The following ADAMTS16 variants were observed in gnomAD, a reference collection of about 807,000 sequenced individuals.
ADAMTS16 encodes A disintegrin and metalloproteinase with thrombospondin motifs 16.
Under a neutral mutation model 145.8 loss-of-function variants are expected in ADAMTS16, and 94 were observed. The observed-to-expected ratio is 0.64, with a 90% CI of 0.55 to 0.77. ADAMTS16 has a LOEUF of 0.77. ADAMTS16 is among the 30% of genes least tolerant of loss of function. The probability of loss-of-function intolerance (pLI) is 0.00; values close to 1 mark genes in which losing one functional copy is unlikely to be tolerated. For synonymous variants in ADAMTS16, 659 were observed against 604.3 expected (o/e 1.09, Z -1.33); for missense variants, 1,585 against 1,591.5 (o/e 1.00, Z 0.07).
chr5:5,144,779 GTC>G (rs1734250697), intron 2 of ADAMTS16, among the ~76,000 whole-genome samples: 2 of 152,210 alleles, frequency 1.3e-5, no homozygotes, highest in African/African-American at 4.8e-5. Context: ...CCACCCTTCT[GTC>G]TCTGTTTTCT....
At chr5:5,204,615 A>G (rs554911961) in intron 9 of ADAMTS16, among the ~76,000 whole-genome samples, 17 of 152,344 alleles carry the variant, frequency 1.1e-4, no homozygotes, top group South Asian at 4.1e-4. Flanking sequence ...GCATTAGTCT[A>G]CTTAGTTATG....
intron 3 of ADAMTS16, among the ~76,000 whole-genome samples, chr5:5,158,250 T>A (rs999480750): frequency 2.0e-5 from 3 of 152,162 alleles, no homozygotes; most frequent in African/African-American, 7.2e-5. Flanking sequence ...GGCAGCACCA[T>A]GATTGTTACG....
intron 10 of ADAMTS16, among the ~76,000 whole-genome samples, chr5:5,217,508 A>C (rs187105831): frequency 6.6e-6 from 1 of 152,144 alleles, no homozygotes; most frequent in African/African-American, 2.4e-5. Context: ...TGAGTCTGTA[A>C]TCCGACTCAA....
At chr5:5,217,293 A>G (rs1736464652) in intron 10 of ADAMTS16, among the ~76,000 whole-genome samples, 2 of 152,034 alleles carry the variant, frequency 1.3e-5, no homozygotes, top group Admixed American at 1.3e-4. Flanking sequence ...AGGCATGGGC[A>G]AGGACTTCAT....
intron 10 of ADAMTS16, among the ~76,000 whole-genome samples, chr5:5,216,510 C>T (rs923961197): frequency 2.0e-5 from 3 of 151,892 alleles, no homozygotes; most frequent in Admixed American, 6.6e-5. Flanking sequence ...TCTTTTGCCA[C>T]GTGAAAGCTC....
At chr5:5,143,286 AAAAC>A (rs1211010234) in intron 2 of ADAMTS16, among the ~76,000 whole-genome samples, 2 of 152,234 alleles carry the variant, frequency 1.3e-5, no homozygotes, top group Non-Finnish European at 2.9e-5. Flanking sequence ...TTAGAAGAAA[AAAAC>A]AAACAACCCC....
intron 21 of ADAMTS16, among the ~76,000 whole-genome samples, chr5:5,308,342 T>C (rs1284305691): frequency 6.6e-6 from 1 of 152,226 alleles, no homozygotes. Flanking sequence ...GCCTTCCCTC[T>C]CTGCCCACCT....
rs1738370066 is a variant in ADAMTS16, at chr5:5,269,135, T to TA, written c.2789+6352_2789+6353insA. Among the ~76,000 whole-genome samples, 1 of 152,082 alleles carries TA rather than the reference T, an allele frequency of 6.6e-6. No individual in the cohort carries two copies. The highest frequency in any genetic ancestry group is 1.5e-5 in the Non-Finnish European group (1 of 68,000). On this transcript the variant is annotated intron_variant, in intron 18 of 22. Coordinates refer to ENST00000274181, the MANE Select transcript of ADAMTS16 (RefSeq NM_139056.4). The surrounding 1 kb of genome is among the most constrained non-coding windows in gnomAD (Gnocchi z 4.3). The stretch of plus-strand genomic sequence containing the variant: ...TATGCTTCAAGATCCACACTGAAGT[T>TA]GTCCTTCTGTCTCACTGCATGGCTG...
rs767343409 is a variant in ADAMTS16 at position 5,242,066 on chromosome 5, G to C, written c.2537G>C (p.Gly846Ala). Residue 846 changes from glycine (G) to alanine (A), a missense_variant, in exon 17 of 23, where the codon GGA becomes GCA. Gly to Ala is a moderately conservative substitution (Grantham distance 60). Coordinates refer to ENST00000274181, the MANE Select transcript of ADAMTS16 (RefSeq NM_139056.4). ...ETLIVELLFQ[G>A]RNPGVAWEYS... is the part of the protein sequence containing the mutation. ...CTTATTTTGTAGCTGCTGTTTCAGGGAAGGAACCCGGGTGTTGCCTGGGAA... is the reference window on the plus strand; with the variant it reads ...CTTATTTTGTAGCTGCTGTTTCAGGCAAGGAACCCGGGTGTTGCCTGGGAA... The C allele has an allele frequency of 3.1e-6, 5 of 1,613,880 alleles. No homozygotes were observed. In the African/African-American group the frequency reaches 6.7e-5, roughly 22 times the overall value.
At chr5:5,178,280 G>C (rs537704117) in intron 3 of ADAMTS16, among the ~76,000 whole-genome samples, 1 of 152,220 alleles carries the variant, frequency 6.6e-6, no homozygotes, top group Admixed American at 6.5e-5. Context: ...CTGTGAGAGC[G>C]AAGCCTGTCC....
chr5:5,292,065 G>A lies in ADAMTS16; in HGVS notation c.2790-11203G>A, dbSNP rs374609189. On this transcript the variant is annotated intron_variant, in intron 18 of 22. Transcript: ENST00000274181. ...GACAGACAGAATGGCCCTCTCTAAT[G>A]GAAATGAGGCTCTGGTCATAGTCAA... is the stretch of plus-strand genomic sequence containing the variant. Among the ~76,000 whole-genome samples, 9 of 152,128 alleles carry A rather than the reference G, an allele frequency of 5.9e-5. No individual in the cohort carries two copies. The East Asian group carries it at 1.2e-3, about 20-fold the overall frequency.
chr5:5,175,344 G>T lies in ADAMTS16; in HGVS notation c.502-6700G>T, dbSNP rs577363326. On this transcript the variant is annotated intron_variant, in intron 3 of 22. Coordinates refer to ENST00000274181, the MANE Select transcript of ADAMTS16 (RefSeq NM_139056.4). ...AATGGGGGCCTCAGAATTCTACCTG[G>T]TGCCCTATCTTACTGGGGCAGAGCT... Among the ~76,000 whole-genome samples, 99 of 152,248 alleles carry T rather than the reference G, an allele frequency of 6.5e-4. 1 individual carries two copies. The highest frequency in any genetic ancestry group is 2.3e-3 in the African/African-American group (94 of 41,558).
rs1253253817 is a variant in ADAMTS16, at chr5:5,182,154, G to A, written c.612G>A (p.Leu204=). 1.9e-6 allele frequency: 3 copies of A among 1,614,116 alleles called. No homozygotes were observed. Among genetic ancestry groups the A allele is most frequent in the Non-Finnish European group, 2.5e-6 (3 of 1,180,026 alleles). Residue 204 remains leucine (L), a synonymous_variant, in exon 4 of 23, where the codon CTG becomes CTA. Transcript: ENST00000274181. ...AAGGCAGCTCGCCATCCCACGTACT[G>A]TACAAGAGATCCACAGAGCCCCATG... is the stretch of plus-strand genomic sequence containing the variant. ...AAQGSSPSHV[L]YKRSTEPHAP...
intron 17 of ADAMTS16, among the ~76,000 whole-genome samples, chr5:5,256,144 T>C (rs1737773201): frequency 6.6e-6 from 1 of 152,234 alleles, no homozygotes. Flanking sequence ...GTGCTTTTCA[T>C]CCATCAGCAT....
chr5:5,242,283 A>G, intron 17 of ADAMTS16, 92 bp downstream of exon 17: 1 of 1,486,454 alleles, frequency 6.7e-7, no homozygotes, highest in Non-Finnish European at 9.0e-7. Context: ...CCTAATGAGC[A>G]GCCCGGGGCT....
At chr5:5,186,883 AT>A (rs1361302013) in intron 5 of ADAMTS16, among the ~76,000 whole-genome samples, 1 of 152,214 alleles carries the variant, frequency 6.6e-6, no homozygotes, top group African/African-American at 2.4e-5. Flanking sequence ...TTTAATGACA[AT>A]ATTTTAAAAG....
chr5:5,244,145 C>T (rs944185282), intron 17 of ADAMTS16, among the ~76,000 whole-genome samples: 5 of 152,150 alleles, frequency 3.3e-5, no homozygotes, highest in Non-Finnish European at 5.9e-5. Context: ...AGACTCAGAA[C>T]CTAATCAAGG....
intron 21 of ADAMTS16, among the ~76,000 whole-genome samples, chr5:5,313,263 T>C (rs1267963844): frequency 6.6e-6 from 1 of 152,142 alleles, no homozygotes; most frequent in African/African-American, 2.4e-5. Flanking sequence ...CTGTGGGAAA[T>C]TGTCAGACGG....
intron 9 of ADAMTS16, among the ~76,000 whole-genome samples, chr5:5,201,335 G>A (rs1297240245): frequency 6.6e-6 from 1 of 151,994 alleles, no homozygotes; most frequent in African/African-American, 2.4e-5. Context: ...AAATCCTATT[G>A]CAGAAAAGTA....
Sources: gnomAD v4.1 joint callset for allele counts (sites outside exome capture counted in the v4.1 genomes callset) on GRCh38, gnomAD v4.1.1 for gene constraint, Gnocchi (gnomAD v3.1) non-coding constraint, MANE v1.5 for transcripts, NCBI Gene and HGNC (gene_info 2026-07-23, HGNC 2026-07-21) for gene names.